BMPER: variants seen among roughly 807,000 people sequenced by gnomAD.
The protein encoded by BMPER is BMP binding endothelial regulator.
Under a neutral mutation model 87.3 loss-of-function variants are expected in BMPER, and 45 were observed. The ratio of observed to expected loss-of-function variants is 0.52; its 90% CI spans 0.41 to 0.66. BMPER has a LOEUF of 0.66. Ranked by LOEUF, BMPER falls within the 30% of genes least tolerant of loss-of-function variation. The pLI is 0.00. For missense variants in BMPER, 784 were observed against 867.5 expected (o/e 0.90, Z 1.21); for synonymous variants, 326 against 316.2 (o/e 1.03, Z -0.33).
intron 13 of BMPER, among the ~76,000 whole-genome samples, chr7:34,125,481 C>T (rs1243084655): frequency 2.0e-5 from 3 of 152,026 alleles, no homozygotes; most frequent in Non-Finnish European, 4.4e-5. Context: ...ATTTGTTTCT[C>T]TCATTCTATT....
chr7:33,944,728 T>C (rs987789017), intron 3 of BMPER, among the ~76,000 whole-genome samples: 1 of 152,214 alleles, frequency 6.6e-6, no homozygotes, highest in Non-Finnish European at 1.5e-5. Flanking sequence ...TGTGTACTTA[T>C]CTACGTGAGC....
In BMPER at chr7:34,009,536, G is replaced by A. The variant is rs117287968; in HGVS notation, c.576+34752G>A. On this transcript the variant is annotated intron_variant, in intron 6 of 14. Coordinates refer to ENST00000649409, the MANE Select transcript of BMPER (RefSeq NM_001365308.1). ...ATGCAAGTAGCAGACTTAGCTGTTG[G>A]GGAATATCATTACTACACATATAAT... Among the ~76,000 whole-genome samples, 810 of 151,838 alleles carry A rather than the reference G, an allele frequency of 5.3e-3. 5 individuals carry two copies. The highest frequency in any genetic ancestry group is 8.9e-3 in the Non-Finnish European group (606 of 67,868).
chr7:34,061,683 A>G (rs1258507101), intron 10 of BMPER, among the ~76,000 whole-genome samples: 5 of 152,218 alleles, frequency 3.3e-5, no homozygotes, highest in East Asian at 1.9e-4. Flanking sequence ...TTGGGTATCA[A>G]TGAAAAGGTT....
chr7:33,973,457 T>TTAAA (rs1293662780), intron 5 of BMPER, among the ~76,000 whole-genome samples: 1 of 152,240 alleles, frequency 6.6e-6, no homozygotes, highest in East Asian at 1.9e-4. Flanking sequence ...AAACCACGGT[T>TTAAA]TCACTTGGTA....
At chr7:33,932,745 T>C (rs1784511765) in intron 2 of BMPER, among the ~76,000 whole-genome samples, 1 of 152,044 alleles carries the variant, frequency 6.6e-6, no homozygotes, top group South Asian at 2.1e-4. Context: ...TTATTATAAA[T>C]GAAAGGTCAA....
intron 3 of BMPER, among the ~76,000 whole-genome samples, chr7:33,954,212 C>T (rs1440759483): frequency 1.3e-5 from 2 of 152,092 alleles, no homozygotes; most frequent in African/African-American, 4.8e-5. Flanking sequence ...GACATAATGC[C>T]ATAAACTGAA....
At chr7:33,941,428 G>T (rs961924164) in intron 3 of BMPER, among the ~76,000 whole-genome samples, 1 of 151,384 alleles carries the variant, frequency 6.6e-6, no homozygotes, top group Non-Finnish European at 1.5e-5. Context: ...TGATTCAAAC[G>T]TATTACATTT....
At chr7:34,139,601 A>G (rs1790811079) in intron 13 of BMPER, among the ~76,000 whole-genome samples, 1 of 152,216 alleles carries the variant, frequency 6.6e-6, no homozygotes, top group Non-Finnish European at 1.5e-5. Context: ...ATTAAGGAGA[A>G]CCGCAATCCA....
chr7:33,986,542 C>T (rs1169489263), intron 6 of BMPER, among the ~76,000 whole-genome samples: 2 of 152,108 alleles, frequency 1.3e-5, no homozygotes, highest in African/African-American at 4.8e-5. Flanking sequence ...GGAAAATATT[C>T]ATGGTTTTAA....
chr7:33,928,323 G>T (rs1341657349), intron 2 of BMPER, among the ~76,000 whole-genome samples: 3 of 152,040 alleles, frequency 2.0e-5, no homozygotes, highest in African/African-American at 4.8e-5. Context: ...GGGCCCACGG[G>T]GCTCGATCCC....
At chr7:33,963,302 T>C (rs927390730) in intron 3 of BMPER, among the ~76,000 whole-genome samples, 12 of 152,192 alleles carry the variant, frequency 7.9e-5, no homozygotes, top group Admixed American at 5.9e-4. Flanking sequence ...ATGTGGTCCA[T>C]GGTGCTGGTC....
chr7:33,941,350 A>G (rs1453758007), intron 3 of BMPER, among the ~76,000 whole-genome samples: 3 of 151,292 alleles, frequency 2.0e-5, no homozygotes, highest in Non-Finnish European at 2.9e-5. Context: ...CCTTTTTGGC[A>G]TCAGGGACCA....
At chr7:34,044,607 C>G (rs1324568302) in intron 6 of BMPER, among the ~76,000 whole-genome samples, 1 of 152,158 alleles carries the variant, frequency 6.6e-6, no homozygotes, top group South Asian at 2.1e-4. Flanking sequence ...AGGCCTCTAA[C>G]TTTAATATTA....
chr7:33,941,727 C>T (rs1007815846), intron 3 of BMPER, among the ~76,000 whole-genome samples: 3 of 152,168 alleles, frequency 2.0e-5, no homozygotes, highest in African/African-American at 7.2e-5. Context: ...CGATGGGGAT[C>T]AGCTGTAAAT....
At chr7:33,981,543 G>A (rs1029569364) in intron 6 of BMPER, among the ~76,000 whole-genome samples, 4 of 152,138 alleles carry the variant, frequency 2.6e-5, no homozygotes, top group Non-Finnish European at 1.5e-5. Flanking sequence ...AGATATTTTT[G>A]TTTGTGATGG....
At chr7:33,939,142 TG>T (rs1199056057) in intron 3 of BMPER, among the ~76,000 whole-genome samples, 1 of 152,214 alleles carries the variant, frequency 6.6e-6, no homozygotes, top group Non-Finnish European at 1.5e-5. Context: ...GAAGTATTAC[TG>T]GTGCCCTTCA....
chr7:33,991,354 T>C (rs536651970), intron 6 of BMPER, among the ~76,000 whole-genome samples: 1 of 152,270 alleles, frequency 6.6e-6, no homozygotes, highest in Admixed American at 6.5e-5. Flanking sequence ...GGAGAGTGTA[T>C]GGGTCCAGGA....
chr7:34,033,652 T>C (rs1451938578), intron 6 of BMPER, among the ~76,000 whole-genome samples: 1 of 152,220 alleles, frequency 6.6e-6, no homozygotes, highest in Non-Finnish European at 1.5e-5. Context: ...TCCCCTTCAA[T>C]ACTGGTCTTT....
At chr7:33,945,196 C>T (rs1432111291) in intron 3 of BMPER, among the ~76,000 whole-genome samples, 1 of 151,692 alleles carries the variant, frequency 6.6e-6, no homozygotes, top group East Asian at 1.9e-4. Flanking sequence ...CCGCCTTGGC[C>T]TCCCAAAGTG....
Sources: allele counts gnomAD v4.1 joint callset (sites outside exome capture counted in the v4.1 genomes callset), GRCh38; gene constraint gnomAD v4.1.1; transcripts MANE v1.5; gene names NCBI Gene and HGNC (gene_info 2026-07-23, HGNC 2026-07-21).